GALNT13: variants seen among roughly 807,000 people sequenced by gnomAD.
The protein encoded by GALNT13 is UDP-GalNAc:polypeptide N-acetylgalactosaminyltransferase 13.
Under a neutral mutation model 64.2 loss-of-function variants are expected in GALNT13, and 28 were observed. The ratio of observed to expected loss-of-function variants is 0.44; its 90% CI spans 0.32 to 0.60. The LOEUF is 0.60. GALNT13 is among the 20% of genes least tolerant of loss of function. The probability of loss-of-function intolerance (pLI) is 0.05; values close to 1 mark genes in which losing one functional copy is unlikely to be tolerated. For missense variants in GALNT13, 577 were observed against 669.8 expected, an observed-to-expected ratio of 0.86 and a Z score of 1.53; for synonymous variants, 214 against 224.6, an observed-to-expected ratio of 0.95 and a Z score of 0.42.
At chr2:153,223,081 G>A in the GALNT13 span, among the ~76,000 whole-genome samples, 2 of 152,326 alleles carry the variant, frequency 1.3e-5, no homozygotes, top group East Asian at 1.9e-4. Context: ...CGCCGCTGCC[G>A]TCATTTAAAT....
the GALNT13 span, among the ~76,000 whole-genome samples, chr2:153,169,332 C>G: frequency 6.6e-6 from 1 of 152,112 alleles, no homozygotes; most frequent in Non-Finnish European, 1.5e-5. Flanking sequence ...GTTTTTGATT[C>G]AGGTGGACAG....
At chr2:153,345,770 C>CTTCT in the GALNT13 span, among the ~76,000 whole-genome samples, 1 of 129,546 alleles carries the variant, frequency 7.7e-6, no homozygotes, top group Middle Eastern at 4.4e-3. Context: ...TCCTTCCTTC[C>CTTCT]TTCTTTCTCT....
At chr2:153,429,808 T>A in the GALNT13 span, among the ~76,000 whole-genome samples, 1 of 152,200 alleles carries the variant, frequency 6.6e-6, no homozygotes, top group African/African-American at 2.4e-5. Context: ...TTACATATAC[T>A]CCTTAATTTT....
the GALNT13 span, among the ~76,000 whole-genome samples, chr2:153,570,766 T>C: frequency 0.019 from 2,951 of 152,238 alleles, 246 homozygotes; most frequent in East Asian, 0.24. Context: ...GAGTTCATTG[T>C]AGATATGTGG....
intron 3 of GALNT13, among the ~76,000 whole-genome samples, chr2:153,994,170 G>GT (rs1324563633): frequency 6.6e-6 from 1 of 151,928 alleles, no homozygotes; most frequent in Admixed American, 6.6e-5. Context: ...GCAGTGTTTG[G>GT]TTTTTTTGTC....
Position 154,451,002 on chromosome 2 carries a change from A to G in GALNT13, c.*451A>G, listed in dbSNP as rs528480943. The G allele has an allele frequency of 6.5e-6, 1 of 154,024 alleles. No individual in the cohort carries two copies. The highest frequency in any genetic ancestry group is 2.4e-5 in the African/African-American group (1 of 41,564). The allele number at this position is 154,024 out of a possible 1,614,324, so 9.5% of individuals were successfully genotyped here. On this transcript the variant is annotated 3_prime_UTR_variant, in exon 13 of 13. Transcript: ENST00000392825. ...GGAAACATGTTTGATTTCTGTGTCT[A>G]CAACAGGGCCACATATTAAATTACT...
chr2:153,182,346 A>C, the GALNT13 span, among the ~76,000 whole-genome samples: 3 of 152,168 alleles, frequency 2.0e-5, no homozygotes. Flanking sequence ...GCCCGGCTGC[A>C]GTTTCATTTT....
intron 3 of GALNT13, among the ~76,000 whole-genome samples, chr2:154,131,488 G>C (rs185656665): frequency 6.6e-6 from 1 of 152,076 alleles, no homozygotes; most frequent in Admixed American, 6.6e-5. Flanking sequence ...GTGCTCCTCT[G>C]CCCGCTTCTC....
the GALNT13 span, among the ~76,000 whole-genome samples, chr2:153,267,306 C>T: frequency 6.6e-6 from 1 of 152,170 alleles, no homozygotes; most frequent in Admixed American, 6.5e-5. Flanking sequence ...GTGGGGGCTC[C>T]ACCCCACATT....
chr2:154,432,249 T>A (rs1700744128), intron 11 of GALNT13, among the ~76,000 whole-genome samples: 1 of 152,212 alleles, frequency 6.6e-6, no homozygotes, highest in African/African-American at 2.4e-5. Flanking sequence ...TTTATACTAT[T>A]GGAAAGTATA....
intron 4 of GALNT13, among the ~76,000 whole-genome samples, chr2:154,195,023 C>G (rs1010685213): frequency 1.3e-5 from 2 of 151,996 alleles, no homozygotes; most frequent in Non-Finnish European, 2.9e-5. Flanking sequence ...TTTCCCTCCC[C>G]CTTGCCTTCC....
the GALNT13 span, among the ~76,000 whole-genome samples, chr2:153,843,354 G>T: frequency 2.0e-5 from 3 of 152,194 alleles, no homozygotes; most frequent in African/African-American, 7.2e-5. Context: ...TAAATGACCG[G>T]ATGTTGTGTG....
At chr2:153,474,409 T>C in the GALNT13 span, among the ~76,000 whole-genome samples, 2 of 152,138 alleles carry the variant, frequency 1.3e-5, no homozygotes, top group Non-Finnish European at 2.9e-5. Context: ...TTGACTTGCA[T>C]CCAGTGAGAA....
At chr2:153,864,755 A>G in the GALNT13 span, among the ~76,000 whole-genome samples, 5 of 150,798 alleles carry the variant, frequency 3.3e-5, no homozygotes, top group Non-Finnish European at 7.4e-5. Flanking sequence ...TACAGATTCA[A>G]TGCCATCCCC....
chr2:153,120,939 G>C, the GALNT13 span, among the ~76,000 whole-genome samples: 1 of 152,186 alleles, frequency 6.6e-6, no homozygotes, highest in African/African-American at 2.4e-5. Context: ...CAAAGTATTA[G>C]TTATGATTAG....
chr2:153,129,530 T>G, the GALNT13 span, among the ~76,000 whole-genome samples: 1 of 152,140 alleles, frequency 6.6e-6, no homozygotes, highest in Non-Finnish European at 1.5e-5. Flanking sequence ...ATCCCAGCAC[T>G]TTGGGAGGCC....
At chr2:153,404,752 G>A in the GALNT13 span, among the ~76,000 whole-genome samples, 2 of 152,138 alleles carry the variant, frequency 1.3e-5, no homozygotes, top group African/African-American at 4.8e-5. Context: ...GTTAATAAAT[G>A]TATAGAAGTA....
In GALNT13 at chr2:153,918,021, G is replaced by A. The variant is rs146353330; in HGVS notation, c.-105+17014G>A. 4.0e-3 allele frequency among the ~76,000 whole-genome samples: 616 copies of A among 152,130 alleles called. 3 individuals are homozygous for A. Among genetic ancestry groups the A allele is most frequent in the African/African-American group, 0.014 (589 of 41,500 alleles). On this transcript the variant is annotated intron_variant, in intron 2 of 12. Coordinates refer to ENST00000392825, the MANE Select transcript of GALNT13 (RefSeq NM_052917.4). The stretch of plus-strand genomic sequence containing the variant: ...CTGCATGTACACATGTGTGAGTGCA[G>A]AGGTTTGGCAAGATGTATCATCATT...
intron 3 of GALNT13, among the ~76,000 whole-genome samples, chr2:153,997,342 A>G (rs575035442): frequency 1.3e-5 from 2 of 152,064 alleles, no homozygotes; most frequent in East Asian, 1.9e-4. Context: ...TCATTTTTTC[A>G]TTAGCATTTT....
Sources: allele counts gnomAD v4.1 joint callset (sites outside exome capture counted in the v4.1 genomes callset), GRCh38; gene constraint gnomAD v4.1.1; transcripts MANE v1.5; gene names NCBI Gene and HGNC (gene_info 2026-07-23, HGNC 2026-07-21).